OSBPL8: variants seen among roughly 807,000 people sequenced by gnomAD.
OSBPL8 encodes oxysterol binding protein like 8, also known as oxysterol-binding protein-related protein 8.
Under a neutral mutation model 125.5 loss-of-function variants are expected in OSBPL8, and 59 were observed. The ratio of observed to expected loss-of-function variants is 0.47; its 90% CI spans 0.38 to 0.58. The LOEUF is 0.58. OSBPL8 is among the 20% of genes least tolerant of loss of function. The pLI is 0.00. For synonymous variants in OSBPL8, 330 were observed against 338.9 expected, an observed-to-expected ratio of 0.97 and a Z score of 0.29; for missense variants, 758 against 1,047.8, an observed-to-expected ratio of 0.72 and a Z score of 3.82.
intron 1 of OSBPL8, among the ~76,000 whole-genome samples, chr12:76,551,296 A>C (rs1950929731): frequency 6.6e-6 from 1 of 152,174 alleles, no homozygotes; most frequent in Non-Finnish European, 1.5e-5. Context: ...TCAATCTTTA[A>C]AGCAGTAGTT....
chr12:76,499,865 A>T (rs1879719282), intron 1 of OSBPL8, among the ~76,000 whole-genome samples: 1 of 146,500 alleles, frequency 6.8e-6, no homozygotes, highest in Admixed American at 6.7e-5. Flanking sequence ...AAAAAAAAAA[A>T]TTTGTCCTGT....
rs572935677 is a variant in OSBPL8 at position 76,525,510 on chromosome 12, A to G, written c.-68+33887T>C. ...GAGGGAAGAGCAATATTCATTATGC[A>G]TAAATGGTAACACTGTAGATACATA... is the stretch of plus-strand genomic sequence containing the variant. On this transcript the variant is annotated intron_variant, in intron 1 of 23. Coordinates refer to ENST00000261183, the MANE Select transcript of OSBPL8 (RefSeq NM_020841.5). Among the ~76,000 whole-genome samples, 285 of 150,468 alleles carry G rather than the reference A, an allele frequency of 1.9e-3. 1 individual carries two copies. Among genetic ancestry groups the G allele is most frequent in the African/African-American group, 6.9e-3 (277 of 40,372 alleles).
chr12:76,432,274 A>G (rs1337839953), intron 4 of OSBPL8, among the ~76,000 whole-genome samples: 1 of 152,158 alleles, frequency 6.6e-6, no homozygotes, highest in African/African-American at 2.4e-5. Context: ...GTTCATGGTG[A>G]TAATGCCTAC....
rs560088915 is a variant in OSBPL8 at position 76,386,758 on chromosome 12, A to G, written c.1353-98T>C. 4.0e-6 allele frequency: 3 copies of G among 748,850 alleles called. No homozygotes were observed. The East Asian group carries it at 8.1e-5, about 20-fold the overall frequency. 46.4% of individuals were successfully genotyped at this position (748,850 alleles called of 1,614,324 possible). A position where few individuals can be genotyped will look rare whatever the true frequency, so the allele number is the denominator to read the frequency against. ...AACCGAGTATGAAACATGATTGGAA[A>G]ACATAATTCTTATTTTAAATGGATG... On this transcript the variant is annotated intron_variant, in intron 12 of 23. Coordinates refer to ENST00000261183, the MANE Select transcript of OSBPL8 (RefSeq NM_020841.5).
chr12:76,548,133 T>C (rs1040000), intron 1 of OSBPL8, among the ~76,000 whole-genome samples: 149,123 of 152,276 alleles, frequency 0.98, 73,101 homozygotes, highest in Middle Eastern at 1. Context: ...AACTTTCCCT[T>C]CAGTTACTCC....
At chr12:76,408,489 T>C (rs1180706190) in intron 5 of OSBPL8, among the ~76,000 whole-genome samples, 1 of 146,766 alleles carries the variant, frequency 6.8e-6, no homozygotes, top group Non-Finnish European at 1.5e-5. Flanking sequence ...AAAAAGTAGC[T>C]ATTAATATCA....
chr12:76,393,666 G>A (rs1275957566), intron 9 of OSBPL8, among the ~76,000 whole-genome samples: 3 of 120,064 alleles, frequency 2.5e-5, no homozygotes, highest in East Asian at 2.5e-4. Flanking sequence ...AGCCGAGATC[G>A]CATCACTGCA....
chr12:76,557,212 C>T (rs904341369), intron 1 of OSBPL8, among the ~76,000 whole-genome samples: 2 of 152,184 alleles, frequency 1.3e-5, no homozygotes, highest in Admixed American at 1.3e-4. Context: ...TGTATCAATT[C>T]TTTGTCTTTA....
At chr12:76,461,903 ATAGT>A (rs1237521953) in intron 2 of OSBPL8, among the ~76,000 whole-genome samples, 1 of 152,204 alleles carries the variant, frequency 6.6e-6, no homozygotes, top group African/African-American at 2.4e-5. Context: ...TAATTTTTAG[ATAGT>A]TTGTTGTGTA....
At chr12:76,536,040 C>T (rs540196379) in intron 1 of OSBPL8, among the ~76,000 whole-genome samples, 7 of 151,798 alleles carry the variant, frequency 4.6e-5, no homozygotes, top group African/African-American at 1.5e-4. Context: ...GTAAATTATA[C>T]CTGAATAAAG....
At chr12:76,428,119 T>C (rs1175958904) in intron 4 of OSBPL8, among the ~76,000 whole-genome samples, 1 of 152,002 alleles carries the variant, frequency 6.6e-6, no homozygotes, top group Admixed American at 6.6e-5. Context: ...AAAAAATAAA[T>C]AATTATAAAA....
intron 1 of OSBPL8, among the ~76,000 whole-genome samples, chr12:76,551,076 A>G (rs755834872): frequency 6.6e-5 from 10 of 151,672 alleles, no homozygotes; most frequent in Non-Finnish European, 1.5e-4. Flanking sequence ...AAACATATAT[A>G]TAGTATATCA....
At chr12:76,367,269 C>T (rs527791243) in intron 21 of OSBPL8, among the ~76,000 whole-genome samples, 1 of 142,602 alleles carries the variant, frequency 7.0e-6, no homozygotes, top group African/African-American at 2.5e-5. Flanking sequence ...TGAATTGACC[C>T]TTTTATCAAT....
intron 2 of OSBPL8, among the ~76,000 whole-genome samples, chr12:76,481,359 A>T (rs1299370927): frequency 6.6e-6 from 1 of 152,258 alleles, no homozygotes; most frequent in Non-Finnish European, 1.5e-5. Flanking sequence ...AATTATCATT[A>T]AACTTGAATG....
chr12:76,500,096 A>G (rs1167998021), intron 1 of OSBPL8, among the ~76,000 whole-genome samples: 2 of 152,202 alleles, frequency 1.3e-5, no homozygotes, highest in East Asian at 3.8e-4. Context: ...CACAGAAGTG[A>G]TCATGTCGAC....
intron 21 of OSBPL8, among the ~76,000 whole-genome samples, chr12:76,366,873 T>C (rs1023237284): frequency 6.6e-6 from 1 of 152,160 alleles, no homozygotes; most frequent in African/African-American, 2.4e-5. Context: ...CTTGGCTCAC[T>C]ACAACCTCCG....
intron 4 of OSBPL8, among the ~76,000 whole-genome samples, chr12:76,419,432 A>G (rs1008734316): frequency 1.3e-5 from 2 of 152,190 alleles, no homozygotes; most frequent in African/African-American, 4.8e-5. Flanking sequence ...ACAGTAAAAT[A>G]ACTGCTTATA....
chr12:76,491,060 C>T (rs911579294), intron 1 of OSBPL8, among the ~76,000 whole-genome samples: 2 of 152,206 alleles, frequency 1.3e-5, no homozygotes, highest in African/African-American at 4.8e-5. Context: ...AGTGCTCATG[C>T]ACTCCATTTC....
At chr12:76,507,616 T>C (rs1880541632) in intron 1 of OSBPL8, among the ~76,000 whole-genome samples, 1 of 151,382 alleles carries the variant, frequency 6.6e-6, no homozygotes, top group Admixed American at 6.6e-5. Flanking sequence ...GGTCAGGAGT[T>C]TGAGACCAGC....
Sources: allele counts gnomAD v4.1 joint callset (sites outside exome capture counted in the v4.1 genomes callset), GRCh38; gene constraint gnomAD v4.1.1; transcripts MANE v1.5; gene names NCBI Gene and HGNC (gene_info 2026-07-23, HGNC 2026-07-21).